DPYD: variants seen among roughly 807,000 people sequenced by gnomAD.
The protein encoded by DPYD is dihydropyrimidine dehydrogenase, also known as dihydropyrimidine dehydrogenase [NADP(+)].
Under a neutral mutation model 116.2 loss-of-function variants are expected in DPYD, and 109 were observed. The ratio of observed to expected loss-of-function variants is 0.94; its 90% CI spans 0.80 to 1.10. The LOEUF (loss-of-function observed/expected upper bound fraction) is 1.10, where lower values mean the gene tolerates loss of function less well. Ranked by LOEUF, DPYD falls within the 50% of genes least tolerant of loss-of-function variation. The pLI, the probability that DPYD is intolerant of heterozygous loss-of-function variation, is 0.00. For synonymous variants in DPYD, 440 were observed against 432.0 expected (o/e 1.02, Z -0.23); for missense variants, 1,302 against 1,254.5 (o/e 1.04, Z -0.57).
intron 14 of DPYD, among the ~76,000 whole-genome samples, chr1:97,434,382 A>T (rs1675347991): frequency 6.6e-6 from 1 of 152,074 alleles, no homozygotes; most frequent in African/African-American, 2.4e-5. Context: ...CATGTACACA[A>T]TGGATAATTA....
At chr1:97,916,726 T>C (rs747673895) in intron 1 of DPYD, among the ~76,000 whole-genome samples, 2 of 152,162 alleles carry the variant, frequency 1.3e-5, no homozygotes, top group Non-Finnish European at 2.9e-5. Flanking sequence ...TGAATTCATA[T>C]GCAAAGGATA....
chr1:97,872,086 C>T (rs919586589), intron 2 of DPYD, among the ~76,000 whole-genome samples: 1 of 151,820 alleles, frequency 6.6e-6, no homozygotes. Flanking sequence ...TGGAGCTAAG[C>T]AGATTATCCC....
At chr1:97,158,191 T>C (rs1212012941) in intron 20 of DPYD, among the ~76,000 whole-genome samples, 4 of 152,058 alleles carry the variant, frequency 2.6e-5, no homozygotes. Flanking sequence ...CCAGGGCTTT[T>C]TGTGCTTCTA....
intron 8 of DPYD, among the ~76,000 whole-genome samples, chr1:97,650,052 A>G (rs761231972): frequency 2.0e-5 from 3 of 151,976 alleles, no homozygotes; most frequent in African/African-American, 4.8e-5. Flanking sequence ...ATCTCCTGCC[A>G]CTGCTTCTTT....
intron 7 of DPYD, among the ~76,000 whole-genome samples, chr1:97,684,687 C>A (rs925031806): frequency 1.3e-5 from 2 of 151,824 alleles, no homozygotes; most frequent in Non-Finnish European, 2.9e-5. Context: ...CACAGAAATA[C>A]AAACAAGCAT....
chr1:97,762,739 T>A (rs1380475848), intron 3 of DPYD, among the ~76,000 whole-genome samples: 2 of 152,076 alleles, frequency 1.3e-5, no homozygotes, highest in African/African-American at 4.8e-5. Context: ...CAAAAAGATG[T>A]ACACCTCCAA....
intron 3 of DPYD, among the ~76,000 whole-genome samples, chr1:97,810,443 G>T (rs1668300372): frequency 6.6e-6 from 1 of 152,016 alleles, no homozygotes; most frequent in Admixed American, 6.6e-5. Flanking sequence ...ATTAAAGGGA[G>T]TGAATATTTA....
chr1:97,386,016 C>T (rs1350684150), intron 14 of DPYD, among the ~76,000 whole-genome samples: 12 of 152,056 alleles, frequency 7.9e-5, no homozygotes, highest in African/African-American at 1.4e-4. Flanking sequence ...CAGGACATTG[C>T]GAGAATCATG....
At chr1:97,857,659 T>C (rs973076058) in intron 2 of DPYD, among the ~76,000 whole-genome samples, 15 of 152,180 alleles carry the variant, frequency 9.9e-5, no homozygotes, top group Non-Finnish European at 2.1e-4. Context: ...TCTCTTCATC[T>C]GTATCCTTTG....
At chr1:97,912,337 A>G (rs1334030381) in intron 1 of DPYD, among the ~76,000 whole-genome samples, 1 of 152,148 alleles carries the variant, frequency 6.6e-6, no homozygotes, top group African/African-American at 2.4e-5. Flanking sequence ...AAAACAAGGT[A>G]AATGTATGAT....
intron 18 of DPYD, among the ~76,000 whole-genome samples, chr1:97,277,451 A>T (rs1345799942): frequency 6.6e-6 from 1 of 152,156 alleles, no homozygotes; most frequent in Non-Finnish European, 1.5e-5. Context: ...ATCAGAAATG[A>T]ACTATTGATC....
At chr1:97,299,241 C>A (rs575221646) in intron 18 of DPYD, among the ~76,000 whole-genome samples, 1 of 152,174 alleles carries the variant, frequency 6.6e-6, no homozygotes, top group South Asian at 2.1e-4. Flanking sequence ...CATAATAGAA[C>A]ATTTTTTGAT....
chr1:97,305,146 CTATGAGT>C, intron 18 of DPYD, 106 bp downstream of exon 18: 7 of 1,469,764 alleles, frequency 4.8e-6, no homozygotes, highest in Non-Finnish European at 4.7e-6. Flanking sequence ...TATTGATCAG[CTATGAGT>C]TATAAGAATT....
intron 18 of DPYD, among the ~76,000 whole-genome samples, chr1:97,288,899 C>G (rs1443246445): frequency 2.0e-5 from 3 of 151,986 alleles, no homozygotes; most frequent in Non-Finnish European, 2.9e-5. Context: ...AATCCAGGAT[C>G]TGGTTTTTTG....
chr1:97,802,725 T>A (rs541664600), intron 3 of DPYD, among the ~76,000 whole-genome samples: 1 of 152,008 alleles, frequency 6.6e-6, no homozygotes, highest in Admixed American at 6.6e-5. Flanking sequence ...AAAACCTAGA[T>A]CTCTTGCCAT....
At chr1:97,835,757 C>T (rs1045999308) in intron 2 of DPYD, among the ~76,000 whole-genome samples, 6 of 152,018 alleles carry the variant, frequency 3.9e-5, no homozygotes, top group African/African-American at 1.4e-4. Flanking sequence ...TTGTGGAGTT[C>T]TATGTCCCAT....
intron 14 of DPYD, among the ~76,000 whole-genome samples, chr1:97,426,158 T>C (rs1054145553): frequency 2.6e-5 from 4 of 151,432 alleles, no homozygotes; most frequent in Admixed American, 1.3e-4. Flanking sequence ...AGAAAGGAGG[T>C]ACGAGGCAAG....
chr1:97,651,283 A>T (rs1332190928), intron 8 of DPYD, among the ~76,000 whole-genome samples: 1 of 152,178 alleles, frequency 6.6e-6, no homozygotes, highest in Non-Finnish European at 1.5e-5. Flanking sequence ...TGTATTCAGA[A>T]CAGCATTAAA....
chr1:97,140,327 A>G (rs1654118744), intron 20 of DPYD, among the ~76,000 whole-genome samples: 9 of 152,122 alleles, frequency 5.9e-5, no homozygotes. Flanking sequence ...CTGCTGCAAT[A>G]TAACTACATT....
Sources: allele counts gnomAD v4.1 joint callset (sites outside exome capture counted in the v4.1 genomes callset), GRCh38; gene constraint gnomAD v4.1.1; transcripts MANE v1.5; gene names NCBI Gene and HGNC (gene_info 2026-07-23, HGNC 2026-07-21).